The following PTPA variants were observed in gnomAD, a reference collection of about 807,000 sequenced individuals.
PTPA encodes serine/threonine-protein phosphatase 2A activator.
In PTPA, 13 loss-of-function variants were observed where a neutral mutation model predicts 43.6. The observed-to-expected ratio is 0.30, with a 90% CI of 0.19 to 0.47. The LOEUF is 0.47. Ranked by LOEUF, PTPA falls within the 20% of genes least tolerant of loss-of-function variation. The pLI is 0.99. For missense variants in PTPA, 329 were observed against 411.9 expected (o/e 0.80, Z 1.74); for synonymous variants, 172 against 158.2 (o/e 1.09, Z -0.66).
intron 1 of PTPA, among the ~76,000 whole-genome samples, chr9:129,118,047 G>C (rs1369353333): frequency 3.9e-5 from 5 of 127,372 alleles, no homozygotes; most frequent in African/African-American, 1.3e-4. Context: ...TATTTGAGTT[G>C]TTTCTTTTTT....
rs1849192154 is a variant in PTPA, at chr9:129,120,618, T to A, written c.129+8T>A. 1 of 1,606,792 alleles carries A rather than the reference T, an allele frequency of 6.2e-7. No homozygotes were observed. Among genetic ancestry groups the A allele is most frequent in the East Asian group, 2.2e-5 (1 of 44,822 alleles). ...AAATGGAAGCGTTCTCAGGTACCAT[T>A]TGGAACTGTGGTGAGAAACTTGGGC... On this transcript the variant is annotated splice_region_variant and intron_variant, in intron 2 of 9. Coordinates refer to ENST00000393370, the MANE Select transcript of PTPA (RefSeq NM_178000.3).
chr9:129,142,665 T>C (rs1850966482), intron 9 of PTPA, 113 bp downstream of exon 9: 3 of 1,552,902 alleles, frequency 1.9e-6, no homozygotes. Context: ...CCCCACTGTT[T>C]TGCTCTGAAT....
intron 6 of PTPA, among the ~76,000 whole-genome samples, chr9:129,135,566 G>C (rs1379758015): frequency 6.6e-6 from 1 of 152,134 alleles, no homozygotes; most frequent in African/African-American, 2.4e-5. Flanking sequence ...AGAGATATCC[G>C]GTGTCTTCAC....
At chr9:129,135,977 A>AT (rs5900827) in intron 6 of PTPA, among the ~76,000 whole-genome samples, 4 of 151,582 alleles carry the variant, frequency 2.6e-5, no homozygotes, top group Admixed American at 6.6e-5. Context: ...TTATTTGTTT[A>AT]TTTTTTTTGA....
At chr9:129,138,432 G>T (rs990439952) in intron 8 of PTPA, among the ~76,000 whole-genome samples, 1 of 152,196 alleles carries the variant, frequency 6.6e-6, no homozygotes, top group Non-Finnish European at 1.5e-5. Context: ...AAACACACGT[G>T]CCAGGCGACT....
At chr9:129,123,253 C>T (rs1564187854) in intron 3 of PTPA, 115 bp downstream of exon 3, 11 of 824,870 alleles carry the variant, frequency 1.3e-5, no homozygotes, top group Middle Eastern at 3.5e-4. Context: ...GCAGGCGGCT[C>T]ACGAGGTCAG....
intron 1 of PTPA, among the ~76,000 whole-genome samples, chr9:129,117,049 T>C (rs1452332780): frequency 1.3e-5 from 2 of 152,112 alleles, no homozygotes; most frequent in African/African-American, 4.8e-5. Context: ...TCAACTGATA[T>C]TTGGGTTGTT....
chr9:129,112,435 C>T (rs373996910), intron 1 of PTPA, among the ~76,000 whole-genome samples: 6 of 152,164 alleles, frequency 3.9e-5, no homozygotes, highest in African/African-American at 1.2e-4. Context: ...CCAAACACAG[C>T]TAATGTTTTG....
intron 3 of PTPA, among the ~76,000 whole-genome samples, chr9:129,123,753 G>T (rs1198442636): frequency 6.6e-6 from 1 of 151,594 alleles, no homozygotes; most frequent in African/African-American, 2.4e-5. Context: ...GCGCGATCTT[G>T]GCTCACCAAA....
At chr9:129,144,362 T>C (rs1300672314) in intron 9 of PTPA, among the ~76,000 whole-genome samples, 2 of 151,792 alleles carry the variant, frequency 1.3e-5, no homozygotes, top group Admixed American at 1.3e-4. Context: ...AAAGGGAGAT[T>C]CTAGCCCTAG....
chr9:129,126,318 C>T (rs868500471), intron 3 of PTPA, among the ~76,000 whole-genome samples: 3 of 151,906 alleles, frequency 2.0e-5, no homozygotes, highest in African/African-American at 2.4e-5. Flanking sequence ...CTCAGCCTCC[C>T]GACTAGCATG....
intron 3 of PTPA, 29 bp from the exon 4 acceptor site, chr9:129,128,956 G>T (rs1182107966): frequency 6.2e-7 from 1 of 1,612,408 alleles, no homozygotes; most frequent in African/African-American, 1.3e-5. Flanking sequence ...TTGCTCTGTA[G>T]CTTGGACCCC....
chr9:129,131,404 GA>G, intron 4 of PTPA, 117 bp from the exon 5 acceptor site: 1 of 820,374 alleles, frequency 1.2e-6, no homozygotes, highest in Non-Finnish European at 2.0e-6. Flanking sequence ...GTCAGAACAG[GA>G]ACCAAGCTGG....
At chr9:129,123,484 T>C (rs1269449748) in intron 3 of PTPA, among the ~76,000 whole-genome samples, 1 of 147,840 alleles carries the variant, frequency 6.8e-6, no homozygotes, top group Admixed American at 6.7e-5. Context: ...AAAAAAAAAA[T>C]AGCTCCAGAG....
chr9:129,142,290 T>C, intron 8 of PTPA, 155 bp from the exon 9 acceptor site: 1 of 619,986 alleles, frequency 1.6e-6, no homozygotes, highest in South Asian at 2.7e-5. Flanking sequence ...AGGCAGATGC[T>C]ATAGCTTGGT....
Position 129,129,123 on chromosome 9 carries a change from C to T in PTPA, c.342+13C>T. 3.1e-6 allele frequency: 5 copies of T among 1,611,818 alleles called. No individual in the cohort carries two copies. Among genetic ancestry groups the T allele is most frequent in the Non-Finnish European group, 4.2e-6 (5 of 1,179,694 alleles). ...CAAACTTGATGAGGTGAGGCTGCCA[C>T]AGGACAGGCCAGGGACTGGGCTGGC... On this transcript the variant is annotated intron_variant, in intron 4 of 9. Coordinates refer to ENST00000393370, the MANE Select transcript of PTPA (RefSeq NM_178000.3).
Position 129,143,445 on chromosome 9 carries a change from C to A in PTPA, c.894+893C>A. 3 of 702,928 alleles carry A rather than the reference C, an allele frequency of 4.3e-6. No homozygotes were observed. The South Asian group carries it at 4.4e-5, about 10-fold the overall frequency. The allele number at this position is 702,928 out of a possible 1,614,324, so 43.5% of individuals were successfully genotyped here. On this transcript the variant is annotated intron_variant, in intron 9 of 9. Coordinates refer to ENST00000393370, the MANE Select transcript of PTPA (RefSeq NM_178000.3). ...GCACCATCTCTTGACTCCTGGCCGG[C>A]CTTCTCTTCTGGGAAGGGGCTGCTC...
In PTPA at chr9:129,131,570, G is replaced by T. The variant is rs758302320; in HGVS notation, c.391G>T (p.Ala131Ser). 5 of 1,614,158 alleles carry T rather than the reference G, an allele frequency of 3.1e-6. No individual in the cohort carries two copies. The highest frequency in any genetic ancestry group is 4.2e-6 in the Non-Finnish European group (5 of 1,180,042). Residue 131 changes from alanine to serine, a missense_variant, in exon 5 of 10, where the codon GCT becomes TCT. By Grantham distance (99) the Ala-to-Ser change is moderately conservative (BLOSUM62 1). Transcript: ENST00000393370. ...ATVVPTHLAA[A>S]VPEVAVYLKE... is the part of the protein sequence containing the mutation. The stretch of plus-strand genomic sequence containing the variant: ...AGTGGTCCCTACCCATCTGGCAGCT[G>T]CTGTGCCTGAGGTGGCTGTTTACCT...
At chr9:129,136,409 C>T (rs186141361) in intron 6 of PTPA, 62 bp from the exon 7 acceptor site, 139 of 1,522,940 alleles carry the variant, frequency 9.1e-5, no homozygotes, top group African/African-American at 3.3e-4. Flanking sequence ...TCCCAGTGGC[C>T]GAAAGGGTGA....
Sources: allele counts gnomAD v4.1 joint callset (sites outside exome capture counted in the v4.1 genomes callset), GRCh38; gene constraint gnomAD v4.1.1; transcripts MANE v1.5; gene names NCBI Gene and HGNC (gene_info 2026-07-23, HGNC 2026-07-21).